The following FGD5 variants were observed in gnomAD, a reference collection of about 807,000 sequenced individuals.
FGD5 encodes the protein FYVE, RhoGEF and PH domain containing 5, also known as FYVE, RhoGEF and PH domain-containing protein 5.
A neutral mutation model predicts 133.4 loss-of-function variants in FGD5; 28 were observed. That is an observed-to-expected ratio of 0.21 (90% CI 0.16 to 0.29). The LOEUF (loss-of-function observed/expected upper bound fraction) is 0.29. Ranked by LOEUF, FGD5 falls within the 10% of genes least tolerant of loss-of-function variation. The probability of loss-of-function intolerance (pLI) is 1.00; values close to 1 mark genes in which losing one functional copy is unlikely to be tolerated. For synonymous variants in FGD5, 810 were observed against 776.5 expected, an observed-to-expected ratio of 1.04 and a Z score of -0.72; for missense variants, 1,858 against 1,895.2, an observed-to-expected ratio of 0.98 and a Z score of 0.36.
At chr3:14,848,330 C>T (rs2037091963) in intron 1 of FGD5, among the ~76,000 whole-genome samples, 1 of 152,308 alleles carries the variant, frequency 6.6e-6, no homozygotes, top group South Asian at 2.1e-4. Flanking sequence ...CAGCTGACCC[C>T]CTCTGCAGGG....
intron 11 of FGD5, among the ~76,000 whole-genome samples, chr3:14,915,703 G>A (rs955859456): frequency 6.6e-6 from 1 of 152,178 alleles, no homozygotes. Context: ...GGCATCGTGT[G>A]TACAGGGCTC....
At chr3:14,923,836 A>G (rs111794083) in intron 16 of FGD5, 172 bp from the exon 17 acceptor site, 6 of 844,764 alleles carry the variant, frequency 7.1e-6, no homozygotes, top group African/African-American at 3.4e-5. Context: ...CCCAGCCCCC[A>G]TAGCCTTTGT....
At position 14,922,139 on chromosome 3, in the gene FGD5, C is replaced by A; in HGVS notation, c.3669+122C>A. 1 of 1,115,588 alleles carries A rather than the reference C, an allele frequency of 9.0e-7. No individual in the cohort carries two copies. The allele number at this position is 1,115,588 out of a possible 1,614,324, so 69.1% of individuals were successfully genotyped here. On this transcript the variant is annotated intron_variant, in intron 14 of 19. Transcript: ENST00000285046. This position sits in a 1 kb window ranked among gnomAD's most constrained non-coding sequence, Gnocchi z 4.1. ...TAGCTCCTGTCTTGGGGCACTGGCT[C>A]CCCCCACACCCCTGCCATGCTCCCA... is the stretch of plus-strand genomic sequence containing the variant.
chr3:14,908,743 A>T (rs999178835), intron 10 of FGD5, among the ~76,000 whole-genome samples: 1 of 151,102 alleles, frequency 6.6e-6, no homozygotes, highest in Non-Finnish European at 1.5e-5. Flanking sequence ...AAAATTAGCC[A>T]GATGTGGTGG....
chr3:14,851,917 G>A (rs1256358354), intron 1 of FGD5, among the ~76,000 whole-genome samples: 1 of 96,654 alleles, frequency 1.0e-5, no homozygotes, highest in Non-Finnish European at 2.3e-5. Context: ...CACTAGGATG[G>A]CTAAGATAAA....
rs190902055 is a variant in FGD5, at chr3:14,915,694, G to T, written c.3406-1555G>T. 3.3e-5 allele frequency among the ~76,000 whole-genome samples: 5 copies of T among 152,178 alleles called. No individual in the cohort carries two copies. The East Asian group carries it at 9.7e-4, about 29-fold the overall frequency. ...ACAGAGCTCACCCTAGTTCATGTTG[G>T]CATCGTGTGTACAGGGCTCACTTTG... On this transcript the variant is annotated intron_variant, in intron 11 of 19. Transcript: ENST00000285046.
At chr3:14,815,441 T>C (rs1423482618), upstream of FGD5, among the ~76,000 whole-genome samples, 1 of 152,180 alleles carries the variant, frequency 6.6e-6, no homozygotes, top group Non-Finnish European at 1.5e-5. Flanking sequence ...TTCTCTTGCA[T>C]ATCTCCCACC....
At chr3:14,859,573 A>AAAAGAAAGAAAG (rs58405808) in intron 1 of FGD5, among the ~76,000 whole-genome samples, 14 of 151,622 alleles carry the variant, frequency 9.2e-5, no homozygotes, top group African/African-American at 2.9e-4. Flanking sequence ...AAAAAATAAT[A>AAAAGAAAGAAAG]AAAGAAAGAA....
chr3:14,883,670 G>A (rs2037871817), intron 4 of FGD5, among the ~76,000 whole-genome samples: 1 of 152,250 alleles, frequency 6.6e-6, no homozygotes, highest in Non-Finnish European at 1.5e-5. Flanking sequence ...GAGCCCCAAA[G>A]CTGAATAAGG....
chr3:14,854,424 T>TTGATTG (rs1553625424), intron 1 of FGD5, among the ~76,000 whole-genome samples: 206 of 104,200 alleles, frequency 2.0e-3, no homozygotes, highest in Admixed American at 8.8e-3. Flanking sequence ...TTTATTTATT[T>TTGATTG]ATTTATTTAT....
chr3:14,901,345 C>T (rs1287050095), intron 9 of FGD5, among the ~76,000 whole-genome samples: 3 of 152,228 alleles, frequency 2.0e-5, no homozygotes, highest in Non-Finnish European at 4.4e-5. Flanking sequence ...TTGTAAACTC[C>T]TAGTTCCTGG....
In FGD5 at chr3:14,923,173, G is replaced by C. The variant is rs752018393; in HGVS notation, c.3935G>C (p.Arg1312Thr). The C allele has an allele frequency of 8.7e-6, 14 of 1,612,394 alleles. No homozygotes were observed. Among genetic ancestry groups the C allele is most frequent in the Non-Finnish European group, 1.2e-5 (14 of 1,179,456 alleles). ...GGCAGGGCTGTCCCGGGCCTGATGA[G>C]AGGTAACCTGGGGACCACTTGCCTT... ...KRGRAVPGLM[R>T]ERPVSMSFPL... The change falls in exon 16 of 20, where the codon AGA becomes ACA. Residue 1312 changes from arginine (R) to threonine (T), a missense_variant and splice_region_variant. Physicochemically the swap from Arg to Thr is moderately conservative, Grantham distance 71 (BLOSUM62 -1). Around this residue, in one of 3 missense-constraint regions of FGD5, gnomAD observed 1,824 missense variants for 1,848.9 expected, o/e 0.99. Transcript: ENST00000285046.
chr3:14,912,429 CA>C (rs148598461), intron 11 of FGD5, among the ~76,000 whole-genome samples: 12,806 of 152,274 alleles, frequency 0.084, 774 homozygotes, highest in East Asian at 0.28. Context: ...GAGTGGACCC[CA>C]GGGGGGATTT....
chr3:14,926,246 A>G, intron 18 of FGD5, 48 bp downstream of exon 18: 1 of 1,605,612 alleles, frequency 6.2e-7, no homozygotes, highest in Non-Finnish European at 8.5e-7. Context: ...CTGTGAAATG[A>G]CCCCCTGGGG....
chr3:14,853,508 C>T (rs571647389), intron 1 of FGD5, among the ~76,000 whole-genome samples: 2 of 151,706 alleles, frequency 1.3e-5, no homozygotes, highest in Admixed American at 1.3e-4. Context: ...AAGGTCCCAG[C>T]CTGTCTCGGA....
At chr3:14,830,446 TA>T (rs1443007514) in intron 1 of FGD5, among the ~76,000 whole-genome samples, 3 of 138,442 alleles carry the variant, frequency 2.2e-5, no homozygotes, top group African/African-American at 8.1e-5. Context: ...ACTAGCATGA[TA>T]TTAAGACCCC....
chr3:14,898,784 C>A lies in FGD5; in HGVS notation c.3112C>A (p.Arg1038=). ...GSQTAKHRLL[R]VVQRLFQYQV... ...CCAGACTGCGAAGCATCGGCTGCTGCGGGTGGTTCAACGCCTCTTCCAGTA... is the reference window on the plus strand; with the variant it reads ...CCAGACTGCGAAGCATCGGCTGCTGAGGGTGGTTCAACGCCTCTTCCAGTA... The change falls in exon 7 of 20, where the codon CGG becomes AGG. Residue 1038 remains arginine, a synonymous_variant. Transcript: ENST00000285046. 1 of 1,585,084 alleles carries A rather than the reference C, an allele frequency of 6.3e-7. No homozygotes were observed. The highest frequency in any genetic ancestry group is 8.6e-7 in the Non-Finnish European group (1 of 1,166,492).
chr3:14,831,219 G>C (rs57775159), intron 1 of FGD5, among the ~76,000 whole-genome samples: 2 of 152,202 alleles, frequency 1.3e-5, no homozygotes, highest in African/African-American at 2.4e-5. Context: ...GGGAAGTCGG[G>C]TAGGCAGGGA....
chr3:14,894,367 C>T (rs1029139406), intron 4 of FGD5, among the ~76,000 whole-genome samples: 1 of 152,038 alleles, frequency 6.6e-6, no homozygotes, highest in African/African-American at 2.4e-5. Context: ...TTGAGGTGTA[C>T]TTAGGTTGAA....
Sources: gnomAD v4.1 joint callset for allele counts (sites outside exome capture counted in the v4.1 genomes callset) on GRCh38, gnomAD v4.1.1 for gene constraint, gnomAD v4.1.1 regional missense constraint, Gnocchi (gnomAD v3.1) non-coding constraint, MANE v1.5 for transcripts, NCBI Gene and HGNC (gene_info 2026-07-23, HGNC 2026-07-21) for gene names.